PGM1: variants seen among roughly 807,000 people sequenced by gnomAD.
PGM1 encodes phosphoglucomutase 1, also known as phosphoglucomutase-1.
PGM1 carries 52 observed loss-of-function variants against 55.6 expected under a neutral mutation model. That is an observed-to-expected ratio of 0.94 (90% CI 0.75 to 1.18). PGM1 has a LOEUF of 1.18. Among genes scored for constraint, PGM1 ranks in the 50% most tolerant of loss-of-function variants. The pLI is 0.00. For missense variants in PGM1, 724 were observed against 729.3 expected, an observed-to-expected ratio of 0.99 and a Z score of 0.08; for synonymous variants, 287 against 271.7, an observed-to-expected ratio of 1.06 and a Z score of -0.55.
intron 7 of PGM1, among the ~76,000 whole-genome samples, chr1:63,647,257 TAC>T (rs1340822360): frequency 2.1e-4 from 15 of 71,138 alleles, no homozygotes; most frequent in African/African-American, 1.3e-3. Flanking sequence ...AATAAAATTT[TAC>T]ATATATATAT....
rs11377805 is a variant in PGM1, at chr1:63,613,259, C to CTTTT, written c.247-16147_247-16144dup. Among the ~76,000 whole-genome samples, 815 of 107,796 alleles carry CTTTT rather than the reference C, an allele frequency of 7.6e-3. 29 individuals are homozygous for CTTTT. The highest frequency in any genetic ancestry group is 0.03 in the African/African-American group (754 of 24,962). 70.7% of individuals were successfully genotyped at this position (107,796 alleles called of 152,430 possible). A position where few individuals can be genotyped will look rare whatever the true frequency, so the allele number is the denominator to read the frequency against. The stretch of plus-strand genomic sequence containing the variant: ...TCTGCTGCAAAAGGAGTTGGCTTAT[C>CTTTT]TTTTTTTTTTTTTTTTTTTTTTAAG... On this transcript the variant is annotated intron_variant, in intron 1 of 10. Coordinates refer to ENST00000371084, the MANE Select transcript of PGM1 (RefSeq NM_002633.3).
intron 4 of PGM1, 108 bp from the exon 5 acceptor site, chr1:63,634,721 C>A: frequency 2.3e-6 from 2 of 865,012 alleles, no homozygotes; most frequent in East Asian, 5.1e-5. Context: ...TGTTGTTTCT[C>A]ATGCCATTCT....
intron 4 of PGM1, among the ~76,000 whole-genome samples, chr1:63,633,953 T>TTATTTTTA: frequency 7.5e-6 from 1 of 133,554 alleles, no homozygotes; most frequent in African/African-American, 2.8e-5. Context: ...TTTTTTTTTT[T>TTATTTTTA]TTTTTTTTAG....
intron 7 of PGM1, among the ~76,000 whole-genome samples, chr1:63,642,264 T>G (rs570382364): frequency 6.6e-6 from 1 of 152,346 alleles, no homozygotes; most frequent in South Asian, 2.1e-4. Context: ...CATTATACAT[T>G]AGTCTGTTTG....
intron 1 of PGM1, among the ~76,000 whole-genome samples, chr1:63,619,312 T>C (rs1648824183): frequency 6.6e-6 from 1 of 152,104 alleles, no homozygotes; most frequent in Non-Finnish European, 1.5e-5. Flanking sequence ...AAGCACAGTA[T>C]GGAAAAAGGG....
At chr1:63,595,472 C>T (rs1054460150) in intron 1 of PGM1, among the ~76,000 whole-genome samples, 1 of 152,160 alleles carries the variant, frequency 6.6e-6, no homozygotes, top group South Asian at 2.1e-4. Context: ...TCTACATCTG[C>T]CTTCCTGGGC....
intron 7 of PGM1, among the ~76,000 whole-genome samples, chr1:63,640,429 G>A (rs1016475090): frequency 5.9e-5 from 9 of 152,190 alleles, no homozygotes; most frequent in African/African-American, 2.2e-4. Context: ...AGCATTTGAA[G>A]ATTCCAGAAC....
At chr1:63,644,187 T>C (rs1259670053) in intron 7 of PGM1, among the ~76,000 whole-genome samples, 1 of 152,234 alleles carries the variant, frequency 6.6e-6, no homozygotes, top group African/African-American at 2.4e-5. Context: ...AGTATGTGCT[T>C]ATCACAAGGT....
chr1:63,627,407 G>A (rs1649054302), intron 1 of PGM1, among the ~76,000 whole-genome samples: 1 of 152,126 alleles, frequency 6.6e-6, no homozygotes, highest in South Asian at 2.1e-4. Flanking sequence ...AGGGGAGATT[G>A]AGTTAGGAGC....
chr1:63,636,511 C>CT, intron 6 of PGM1, 123 bp downstream of exon 6: 1 of 1,027,590 alleles, frequency 9.7e-7, no homozygotes, highest in Non-Finnish European at 1.5e-6. Context: ...ATAGAGTGTG[C>CT]TGAGCGATTC....
intron 1 of PGM1, among the ~76,000 whole-genome samples, chr1:63,595,129 A>G (rs150941797): frequency 6.0e-4 from 92 of 152,192 alleles, no homozygotes; most frequent in African/African-American, 2.1e-3. Context: ...TGAAATGGAT[A>G]TTTTTATTCA....
intron 1 of PGM1, among the ~76,000 whole-genome samples, chr1:63,621,551 A>G (rs1027882466): frequency 3.9e-5 from 6 of 152,336 alleles, no homozygotes; most frequent in African/African-American, 1.4e-4. Flanking sequence ...AAAACTTGGC[A>G]CAGAACTTAC....
chr1:63,623,777 T>C (rs1444378651), intron 1 of PGM1: 3 of 1,563,466 alleles, frequency 1.9e-6, no homozygotes, highest in Non-Finnish European at 2.6e-6. Flanking sequence ...ATATGATAAG[T>C]ATTGTTATGT....
intron 1 of PGM1, among the ~76,000 whole-genome samples, chr1:63,616,312 G>A (rs982791314): frequency 6.6e-6 from 1 of 152,148 alleles, no homozygotes; most frequent in African/African-American, 2.4e-5. Context: ...TCCTTCACAC[G>A]TGCCTTACTT....
At chr1:63,623,463 G>A (rs1648937969) in intron 1 of PGM1, 1 of 1,611,642 alleles carries the variant, frequency 6.2e-7, no homozygotes, top group Non-Finnish European at 8.5e-7. Flanking sequence ...AGTGAAGGAT[G>A]AGTGATTTTG....
chr1:63,611,815 A>G (rs572816104), intron 1 of PGM1, among the ~76,000 whole-genome samples: 2 of 152,134 alleles, frequency 1.3e-5, no homozygotes, highest in South Asian at 2.1e-4. Context: ...AGGCAGGAGA[A>G]TCGCTTGAAC....
At chr1:63,641,559 A>G (rs1457996568) in intron 7 of PGM1, among the ~76,000 whole-genome samples, 5 of 152,188 alleles carry the variant, frequency 3.3e-5, no homozygotes, top group Admixed American at 1.3e-4. Flanking sequence ...AGCTTAATTG[A>G]GCACAGAGTG....
intron 8 of PGM1, 97 bp downstream of exon 8, chr1:63,648,749 A>C: frequency 1.5e-6 from 2 of 1,314,956 alleles, no homozygotes; most frequent in South Asian, 1.2e-5. Flanking sequence ...AGTGCTAATA[A>C]AACCCTAGGT....
At chr1:63,637,315 G>A (rs372265742) in intron 6 of PGM1, among the ~76,000 whole-genome samples, 26 of 152,324 alleles carry the variant, frequency 1.7e-4, no homozygotes, top group African/African-American at 5.8e-4. Flanking sequence ...ACCAAAGGAC[G>A]AAGAAGTAAC....
Sources: gnomAD v4.1 joint callset for allele counts (sites outside exome capture counted in the v4.1 genomes callset) on GRCh38, gnomAD v4.1.1 for gene constraint, MANE v1.5 for transcripts, NCBI Gene and HGNC (gene_info 2026-07-23, HGNC 2026-07-21) for gene names.